Variants in SEMA3A observed in about 807,000 individuals in gnomAD.
SEMA3A encodes the protein semaphorin 3A.
Under a neutral mutation model 97.9 loss-of-function variants are expected in SEMA3A, and 29 were observed. The ratio of observed to expected loss-of-function variants is 0.30; its 90% CI spans 0.22 to 0.40. SEMA3A has a LOEUF of 0.40. Among genes scored for constraint, SEMA3A ranks in the 10% least tolerant of loss-of-function variants. The probability of loss-of-function intolerance (pLI) is 1.00; values close to 1 mark genes in which losing one functional copy is unlikely to be tolerated. For synonymous variants in SEMA3A, 321 were observed against 323.7 expected (o/e 0.99, Z 0.09); for missense variants, 763 against 951.3 (o/e 0.80, Z 2.60).
At chr7:83,971,583 C>T (rs1170474224) in intron 15 of SEMA3A, among the ~76,000 whole-genome samples, 1 of 152,026 alleles carries the variant, frequency 6.6e-6, no homozygotes, top group Non-Finnish European at 1.5e-5. Flanking sequence ...TCTAGTATGA[C>T]ATTTTCACCA....
chr7:84,372,383 C>A (rs1424820543), intron 1 of SEMA3A: 4 of 152,030 alleles, frequency 2.6e-5, no homozygotes, highest in Admixed American at 2.6e-4. Flanking sequence ...ATTTTTCTTA[C>A]AATTATCCTC....
intron 1 of SEMA3A, among the ~76,000 whole-genome samples, chr7:84,406,405 T>G (rs1040655863): frequency 6.6e-6 from 1 of 151,958 alleles, no homozygotes; most frequent in Non-Finnish European, 1.5e-5. Context: ...AGGCAATAAT[T>G]AATAGTTTAC....
At chr7:84,242,629 C>A (rs1584160020) in intron 3 of SEMA3A, among the ~76,000 whole-genome samples, 1 of 151,446 alleles carries the variant, frequency 6.6e-6, no homozygotes, top group Admixed American at 6.6e-5. Flanking sequence ...CCTATGTTTC[C>A]TTCGCTTGCC....
intron 1 of SEMA3A, among the ~76,000 whole-genome samples, chr7:84,154,345 A>G (rs1046729236): frequency 2.0e-5 from 3 of 152,162 alleles, no homozygotes; most frequent in Non-Finnish European, 4.4e-5. Flanking sequence ...AAAAGTCAAT[A>G]CAGATAAGTT....
rs563810255 is a variant in SEMA3A, at chr7:84,359,534, G to A, written c.-169+12290C>T. On this transcript the variant is annotated intron_variant, in intron 2 of 3. Transcript: ENST00000424555. ...AGCTTTTTGATGTGCTGCTGGATTC[G>A]GTTTGCCAGTATTTTATTGAGGATT... Among the ~76,000 whole-genome samples the A allele has an allele frequency of 4.1e-3, 629 of 152,004 alleles. 7 individuals carry two copies. The highest frequency in any genetic ancestry group is 0.014 in the African/African-American group (600 of 41,454).
At chr7:84,309,483 C>T (rs1004598428) in intron 2 of SEMA3A, among the ~76,000 whole-genome samples, 2 of 152,068 alleles carry the variant, frequency 1.3e-5, no homozygotes, top group African/African-American at 4.8e-5. Context: ...GTTCAGGTGT[C>T]CACTTAACTC....
rs1420018476 is a variant in SEMA3A at position 83,963,105 on chromosome 7, G to T, written c.1860+100C>A. 6 of 1,271,122 alleles carry T rather than the reference G, an allele frequency of 4.7e-6. No homozygotes were observed. The Admixed American group carries it at 1.0e-4, about 22-fold the overall frequency. 78.7% of individuals were successfully genotyped at this position (1,271,122 alleles called of 1,614,324 possible). On this transcript the variant is annotated intron_variant, in intron 16 of 16. Coordinates refer to ENST00000265362, the MANE Select transcript of SEMA3A (RefSeq NM_006080.3). ...GATTGATTGGTTCAGAAGAGGATAAGCATTCTCAGTGCTTTTTCTTTCCTC... is the reference window on the plus strand; with the variant it reads ...GATTGATTGGTTCAGAAGAGGATAATCATTCTCAGTGCTTTTTCTTTCCTC...
chr7:84,246,079 G>A (rs1799470445), intron 3 of SEMA3A, among the ~76,000 whole-genome samples: 1 of 152,198 alleles, frequency 6.6e-6, no homozygotes, highest in African/African-American at 2.4e-5. Context: ...CAGAGAGGCA[G>A]TCTGGCTACA....
At chr7:84,307,959 A>G (rs1326849250) in intron 2 of SEMA3A, among the ~76,000 whole-genome samples, 2 of 152,174 alleles carry the variant, frequency 1.3e-5, no homozygotes, top group East Asian at 3.8e-4. Flanking sequence ...AAGAAAATAA[A>G]GACAATTCAA....
chr7:84,099,831 A>ATAG (rs1446634058), intron 4 of SEMA3A, among the ~76,000 whole-genome samples: 1 of 152,278 alleles, frequency 6.6e-6, no homozygotes, highest in African/African-American at 2.4e-5. Flanking sequence ...AACTTTTGCT[A>ATAG]TAGCCTCAAA....
intron 3 of SEMA3A, among the ~76,000 whole-genome samples, chr7:84,221,854 GATAC>G: frequency 6.6e-6 from 1 of 151,944 alleles, no homozygotes. Context: ...ACCAAAATGT[GATAC>G]AGACATGAAG....
intron 1 of SEMA3A, among the ~76,000 whole-genome samples, chr7:84,454,175 G>A (rs1389602814): frequency 2.0e-5 from 3 of 152,144 alleles, no homozygotes; most frequent in Non-Finnish European, 2.9e-5. Flanking sequence ...GAGCTGTGGA[G>A]TCTTGCTGCA....
At chr7:83,968,879 C>T (rs546925450) in intron 15 of SEMA3A, among the ~76,000 whole-genome samples, 2 of 138,152 alleles carry the variant, frequency 1.4e-5, no homozygotes, top group South Asian at 2.4e-4. Flanking sequence ...GGCACGATCT[C>T]GGCTCACTGC....
chr7:84,253,476 C>T (rs1387847623), intron 3 of SEMA3A, among the ~76,000 whole-genome samples: 1 of 151,822 alleles, frequency 6.6e-6, no homozygotes, highest in Non-Finnish European at 1.5e-5. Flanking sequence ...AAAATGTGTA[C>T]AAGACATGGA....
intron 3 of SEMA3A, among the ~76,000 whole-genome samples, chr7:84,277,415 T>A (rs1159914795): frequency 6.6e-6 from 1 of 152,028 alleles, no homozygotes; most frequent in Admixed American, 6.6e-5. Context: ...AATAGCAAAA[T>A]CCACAAAATA....
intron 1 of SEMA3A, among the ~76,000 whole-genome samples, chr7:84,408,696 T>C (rs1187941616): frequency 7.7e-6 from 1 of 130,266 alleles, no homozygotes; most frequent in South Asian, 2.4e-4. Flanking sequence ...ATATACACCA[T>C]GGAATACTAT....
chr7:84,280,040 G>A (rs1042886577), intron 3 of SEMA3A, among the ~76,000 whole-genome samples: 1 of 152,120 alleles, frequency 6.6e-6, no homozygotes, highest in African/African-American at 2.4e-5. Flanking sequence ...TGGGACCAAA[G>A]GCACATGCCA....
intron 6 of SEMA3A, among the ~76,000 whole-genome samples, chr7:84,037,183 G>C (rs569617190): frequency 6.7e-6 from 1 of 150,304 alleles, no homozygotes; most frequent in African/African-American, 2.4e-5. Flanking sequence ...TTCTCTTAAG[G>C]ATTACCTGTT....
At chr7:84,464,503 G>A (rs1254103052) in intron 1 of SEMA3A, among the ~76,000 whole-genome samples, 1 of 152,122 alleles carries the variant, frequency 6.6e-6, no homozygotes, top group Non-Finnish European at 1.5e-5. Flanking sequence ...ATAGGTTTAA[G>A]AATGAAGAAG....
Sources: allele counts gnomAD v4.1 joint callset (sites outside exome capture counted in the v4.1 genomes callset), GRCh38; gene constraint gnomAD v4.1.1; transcripts MANE v1.5; gene names NCBI Gene and HGNC (gene_info 2026-07-23, HGNC 2026-07-21).